The following RAPSN variants were observed in gnomAD, a reference collection of about 807,000 sequenced individuals.
RAPSN encodes the protein 43 kDa receptor-associated protein of the synapse.
A neutral mutation model predicts 45.7 loss-of-function variants in RAPSN; 33 were observed. The observed-to-expected ratio is 0.72, with a 90% CI of 0.55 to 0.97. RAPSN has a LOEUF of 0.97. RAPSN is among the 50% of genes least tolerant of loss of function. The pLI is 0.00. For missense variants in RAPSN, 519 were observed against 559.4 expected, an observed-to-expected ratio of 0.93 and a Z score of 0.73; for synonymous variants, 244 against 233.6, an observed-to-expected ratio of 1.04 and a Z score of -0.40.
chr11:47,448,094 C>T lies in RAPSN; in HGVS notation c.249G>A (p.Leu83=), dbSNP rs1160614533. 3 of 1,613,814 alleles carry T rather than the reference C, an allele frequency of 1.9e-6. No individual in the cohort carries two copies. Among genetic ancestry groups the T allele is most frequent in the Admixed American group, 3.3e-5 (2 of 59,996 alleles). ...ARELEDADFL[L]ESYLNLARSN... ...TGCGTGCCAGGTTCAGGTAGCTCTC[C>T]AGGAGGAAGTCGGCATCCTCCAGCT... is the stretch of plus-strand genomic sequence containing the variant. The change falls in exon 2 of 8, where the codon CTG becomes CTA. Residue 83 remains leucine (L), a synonymous_variant. Transcript: ENST00000298854.
At chr11:47,445,915 A>G (rs1194299223) in intron 2 of RAPSN, among the ~76,000 whole-genome samples, 7 of 151,800 alleles carry the variant, frequency 4.6e-5, no homozygotes, top group Non-Finnish European at 8.8e-5. Flanking sequence ...ACACCCCACA[A>G]GCCCACACTT....
intron 5 of RAPSN, 90 bp downstream of exon 5, chr11:47,441,521 G>T: frequency 6.3e-7 from 1 of 1,582,990 alleles, no homozygotes; most frequent in Admixed American, 1.7e-5. Flanking sequence ...GCTGACGTCA[G>T]ACAAAGTGGC....
At position 47,437,914 on chromosome 11, in the gene RAPSN, T is replaced by A; in HGVS notation, c.*61A>T. On this transcript the variant is annotated 3_prime_UTR_variant, in exon 8 of 8. Transcript: ENST00000298854. ...GCTGCCCCAGGAGTAAATGGGCCTCTGGCGTGCAGTGGAGAAAGAGCAGGA... is the reference window on the plus strand; with the variant it reads ...GCTGCCCCAGGAGTAAATGGGCCTCAGGCGTGCAGTGGAGAAAGAGCAGGA... The A allele has an allele frequency of 1.3e-6, 2 of 1,545,808 alleles. No homozygotes were observed. The highest frequency in any genetic ancestry group is 2.7e-5 in the African/African-American group (2 of 73,052).
rs1462206787 is a variant in RAPSN, at chr11:47,438,940, C to T, written c.967-9G>A. On this transcript the variant is annotated splice_polypyrimidine_tract_variant and intron_variant, in intron 6 of 7. Transcript: ENST00000298854. The stretch of plus-strand genomic sequence containing the variant: ...AGCTTGAGCTGGCTCAGCTGGGGCC[C>T]GCAGGAGTGGAGAGCGCCAGTGGGG... 1.9e-6 allele frequency: 3 copies of T among 1,554,078 alleles called. No individual in the cohort carries two copies. The highest frequency in any genetic ancestry group is 2.4e-5 in the East Asian group (1 of 41,584).
rs2076325215 is a variant in RAPSN, at chr11:47,437,892, G to A, written c.*83C>T. 1.3e-6 allele frequency: 2 copies of A among 1,521,612 alleles called. No individual in the cohort carries two copies. Among genetic ancestry groups the A allele is most frequent in the Non-Finnish European group, 1.8e-6 (2 of 1,121,100 alleles). The allele number at this position is 1,521,612 out of a possible 1,614,324, so 94.3% of individuals were successfully genotyped here. ...CTATGGTGAGGACGACCTGGCAGCT[G>A]CCCCAGGAGTAAATGGGCCTCTGGC... On this transcript the variant is annotated 3_prime_UTR_variant, in exon 8 of 8. Transcript: ENST00000298854.
rs750772292 is a variant in RAPSN, at chr11:47,448,804, G to A, written c.161C>T (p.Ser54Leu). The change falls in exon 1 of 8, where the codon TCG (serine) becomes TTG (leucine). Residue 54 changes from serine (S) to leucine (L), a missense_variant. Physicochemically the swap from Ser to Leu is moderately radical, Grantham distance 145. Coordinates refer to ENST00000298854, the MANE Select transcript of RAPSN (RefSeq NM_005055.5). Reference sequence around the variant, plus strand: ...CATCTCCTTGTAGCGGCCCATCTCCGAGTGGGCTGTGACCAGGCAGCCCAG... The same window carrying A: ...CATCTCCTTGTAGCGGCCCATCTCCAAGTGGGCTGTGACCAGGCAGCCCAG... ...RVLGCLVTAH[S>L]EMGRYKEMLK... 8 of 1,612,610 alleles carry A rather than the reference G, an allele frequency of 5.0e-6. No individual in the cohort carries two copies. Among genetic ancestry groups the A allele is most frequent in the African/African-American group, 2.7e-5 (2 of 74,930 alleles).
At chr11:47,440,141 C>A (rs115599318) in intron 6 of RAPSN, among the ~76,000 whole-genome samples, 106 of 152,250 alleles carry the variant, frequency 7.0e-4, no homozygotes, top group Non-Finnish European at 9.9e-4. Flanking sequence ...GGACCTTGGA[C>A]GCCTCTTTGA....
chr11:47,442,651 C>A lies in RAPSN; in HGVS notation c.690+5G>T. The A allele has an allele frequency of 6.2e-7, 1 of 1,614,058 alleles. No homozygotes were observed. The highest frequency in any genetic ancestry group is 1.1e-5 in the South Asian group (1 of 91,078). ...CCCGACCTGCCCCCTTCCCCGCTGC[C>A]CCACCTCACAACACTCCATGGCACT... On this transcript the variant is annotated splice_donor_5th_base_variant and intron_variant, in intron 3 of 7. Transcript: ENST00000298854.
At position 47,441,160 on chromosome 11, in the gene RAPSN, T is replaced by C; in HGVS notation, c.965A>G (p.Lys322Arg). The change falls in exon 6 of 8, where the codon AAG becomes AGG. Residue 322 changes from lysine (K) to arginine (R), a missense_variant and splice_region_variant. Transcript: ENST00000298854. The stretch of plus-strand genomic sequence containing the variant: ...CCAGGACACAGAATCAAGTCTGACC[T>C]TGTTCCCCACCTCCTCGGCCAGATC... ...AQDLAEEVGN[K>R]LSQLKLHCLS... 1 of 1,614,000 alleles carries C rather than the reference T, an allele frequency of 6.2e-7. No homozygotes were observed. The highest frequency in any genetic ancestry group is 1.1e-5 in the South Asian group (1 of 91,068).
At position 47,442,779 on chromosome 11, in the gene RAPSN, C is replaced by T. The variant is rs886043559; in HGVS notation, c.567G>A (p.Ala189=). 2.5e-5 allele frequency: 41 copies of T among 1,614,150 alleles called. No homozygotes were observed. Among genetic ancestry groups the T allele is most frequent in the African/African-American group, 5.3e-5 (4 of 74,956 alleles). ...YEKALFFPCK[A]AELVNNYGKG... ...TGCCATAGTTGTTGACAAGCTCTGC[C>T]GCCTTGCAGGGGAAGAACAGGGCTT... The change falls in exon 3 of 8, where the codon GCG becomes GCA. Residue 189 remains alanine, a synonymous_variant. Transcript: ENST00000298854.
chr11:47,445,234 A>C (rs2076396054), intron 2 of RAPSN, among the ~76,000 whole-genome samples: 1 of 151,728 alleles, frequency 6.6e-6, no homozygotes, highest in East Asian at 1.9e-4. Context: ...CGTCTCTAAA[A>C]AAAAATATAT....
chr11:47,438,589 C>T, intron 7 of RAPSN, 143 bp downstream of exon 7: 1 of 1,007,268 alleles, frequency 9.9e-7, no homozygotes, highest in Non-Finnish European at 1.5e-6. Context: ...TCCCAAAGTG[C>T]TTGCGAGACA....
At chr11:47,447,263 C>T (rs377085214) in intron 2 of RAPSN, among the ~76,000 whole-genome samples, 1 of 152,172 alleles carries the variant, frequency 6.6e-6, no homozygotes. Context: ...CCCTTTGCCC[C>T]GCTTCGCTTT....
chr11:47,444,076 C>T (rs760731650), intron 2 of RAPSN, among the ~76,000 whole-genome samples: 3 of 151,170 alleles, frequency 2.0e-5, no homozygotes, highest in Non-Finnish European at 4.4e-5. Flanking sequence ...TCTATTTGAT[C>T]TTTCACTTAA....
intron 7 of RAPSN, chr11:47,438,512 G>A (rs1053390008): frequency 2.0e-4 from 116 of 590,832 alleles, no homozygotes; most frequent in Non-Finnish European, 3.0e-4. Flanking sequence ...TAGTAGAGAC[G>A]GGGTTTCACC....
intron 6 of RAPSN, among the ~76,000 whole-genome samples, chr11:47,440,244 T>C (rs1380637500): frequency 6.6e-6 from 1 of 152,128 alleles, no homozygotes; most frequent in Non-Finnish European, 1.5e-5. Flanking sequence ...AAGGACCCTG[T>C]GTGTGCTCAG....
Position 47,447,939 on chromosome 11 carries a change from C to T in RAPSN, c.404G>A (p.Gly135Asp), listed in dbSNP as rs759579462. 1 of 1,613,568 alleles carries T rather than the reference C, an allele frequency of 6.2e-7. No homozygotes were observed. The highest frequency in any genetic ancestry group is 8.5e-7 in the Non-Finnish European group (1 of 1,179,914). The change falls in exon 2 of 8, where the codon GGC (glycine) becomes GAC (aspartate). Residue 135 changes from glycine to aspartate, a missense_variant. By Grantham distance (94) the Gly-to-Asp change is moderately conservative. Coordinates refer to ENST00000298854, the MANE Select transcript of RAPSN (RefSeq NM_005055.5). ...VSLSMGNAFL[G>D]LSVFQKALES... is the part of the protein sequence containing the mutation. The stretch of plus-strand genomic sequence containing the variant: ...CAGGGCCTTCTGGAAGACGCTGAGG[C>T]CCAGGAAGGCATTGCCCATGCTCAG...
chr11:47,442,550 G>A (rs2076373404), intron 3 of RAPSN, 106 bp downstream of exon 3: 1 of 1,339,250 alleles, frequency 7.5e-7, no homozygotes, highest in Non-Finnish European at 1.0e-6. Flanking sequence ...AAGCCCTAGG[G>A]GGCTTCCATG....
chr11:47,443,526 C>T (rs2076381224), intron 2 of RAPSN, among the ~76,000 whole-genome samples: 1 of 152,154 alleles, frequency 6.6e-6, no homozygotes. Context: ...GGCTCCTGTT[C>T]CCATCAAATG....
Sources: allele counts gnomAD v4.1 joint callset (sites outside exome capture counted in the v4.1 genomes callset), GRCh38; gene constraint gnomAD v4.1.1; transcripts MANE v1.5; gene names NCBI Gene and HGNC (gene_info 2026-07-23, HGNC 2026-07-21).